RBFOX3: variants seen among roughly 807,000 people sequenced by gnomAD.
The protein encoded by RBFOX3 is RNA binding fox-1 homolog 3.
Under a neutral mutation model 48.7 loss-of-function variants are expected in RBFOX3, and 17 were observed. The observed-to-expected ratio is 0.35, with a 90% CI of 0.24 to 0.52. The LOEUF (loss-of-function observed/expected upper bound fraction) is 0.52, where lower values mean the gene tolerates loss of function less well. Ranked by LOEUF, RBFOX3 falls within the 20% of genes least tolerant of loss-of-function variation. RBFOX3 has a pLI of 0.94. For synonymous variants in RBFOX3, 212 were observed against 209.5 expected (o/e 1.01, Z -0.10); for missense variants, 382 against 497.5 (o/e 0.77, Z 2.21).
At chr17:79,152,686 C>T (rs2044823298) in intron 4 of RBFOX3, among the ~76,000 whole-genome samples, 1 of 152,174 alleles carries the variant, frequency 6.6e-6, no homozygotes, top group African/African-American at 2.4e-5. Context: ...ATGTCACAGC[C>T]AGCGAGAGGG....
intron 1 of RBFOX3, among the ~76,000 whole-genome samples, chr17:79,571,580 A>G (rs2092680313): frequency 1.4e-5 from 2 of 139,750 alleles, no homozygotes; most frequent in African/African-American, 5.4e-5. Context: ...GAAGTGTACC[A>G]GGATAATTTG....
intron 2 of RBFOX3, among the ~76,000 whole-genome samples, chr17:79,352,958 G>A (rs760384699): frequency 5.3e-5 from 8 of 152,234 alleles, no homozygotes; most frequent in African/African-American, 9.6e-5. Flanking sequence ...TGGGCAGACA[G>A]ATGGGAAAGT....
At chr17:79,207,733 T>C (rs4789873) in intron 4 of RBFOX3, among the ~76,000 whole-genome samples, 66,208 of 151,940 alleles carry the variant, frequency 0.44, 16,461 homozygotes, top group Non-Finnish European at 0.55. Flanking sequence ...GGACTGGCCT[T>C]CAGGAACTTT....
At chr17:79,261,816 C>T (rs937024873) in intron 3 of RBFOX3, among the ~76,000 whole-genome samples, 2 of 152,152 alleles carry the variant, frequency 1.3e-5, no homozygotes, top group African/African-American at 2.4e-5. Context: ...GCCCCCAGAG[C>T]GGCTTCCCCT....
chr17:79,378,166 G>A (rs754988169), intron 2 of RBFOX3, among the ~76,000 whole-genome samples: 5 of 152,036 alleles, frequency 3.3e-5, no homozygotes, highest in Non-Finnish European at 5.9e-5. Context: ...GGTCTCCACC[G>A]AGCCCAGAGC....
the RBFOX3 span, among the ~76,000 whole-genome samples, chr17:79,656,815 G>GAAAA: frequency 0.014 from 730 of 51,588 alleles, 29 homozygotes; most frequent in East Asian, 0.31. Context: ...AGAAAAGAAA[G>GAAAA]AGAAAGAAAG....
At chr17:79,547,002 A>G (rs1555792128) in intron 1 of RBFOX3, among the ~76,000 whole-genome samples, 1 of 152,074 alleles carries the variant, frequency 6.6e-6, no homozygotes, top group African/African-American at 2.4e-5. Flanking sequence ...ACTACTCAGC[A>G]GGGGCTCTGC....
Position 79,481,188 on chromosome 17 carries a change from G to A in RBFOX3, c.-175+1266C>T, listed in dbSNP as rs1409935617. ...TATTGGAGAGACCAGCCTGTGTCCGGGCCTCTGGTCTCTTTGTCCAGGGTT... is the reference window on the plus strand; with the variant it reads ...TATTGGAGAGACCAGCCTGTGTCCGAGCCTCTGGTCTCTTTGTCCAGGGTT... On this transcript the variant is annotated intron_variant, in intron 2 of 14. Transcript: ENST00000693108. This position sits in a 1 kb window ranked among gnomAD's most constrained non-coding sequence, Gnocchi z 5.4. Among the ~76,000 whole-genome samples the A allele has an allele frequency of 6.6e-6, 1 of 152,128 alleles. No homozygotes were observed. Among genetic ancestry groups the A allele is most frequent in the East Asian group, 1.9e-4 (1 of 5,200 alleles).
At chr17:79,091,017 T>A in intron 14 of RBFOX3, 132 bp from the exon 15 acceptor site, 2 of 878,222 alleles carry the variant, frequency 2.3e-6, no homozygotes, top group Non-Finnish European at 3.5e-6. Context: ...CCCCCAGGTT[T>A]CCAGGACCCT....
chr17:79,184,492 C>CCA (rs1276090936), intron 4 of RBFOX3, among the ~76,000 whole-genome samples: 1 of 152,270 alleles, frequency 6.6e-6, no homozygotes, highest in Admixed American at 6.5e-5. Context: ...GCTTCAGCGG[C>CCA]CACACACACA....
intron 1 of RBFOX3, among the ~76,000 whole-genome samples, chr17:79,539,656 G>A (rs2089381256): frequency 6.6e-6 from 1 of 152,196 alleles, no homozygotes; most frequent in Non-Finnish European, 1.5e-5. Flanking sequence ...AGGAGAGTTG[G>A]ATTTGGGGAA....
At position 79,089,666 on chromosome 17, in the gene RBFOX3, T is replaced by TGA. The variant is rs2073551562; in HGVS notation, c.*1215_*1216dup. The TGA allele has an allele frequency of 6.6e-6, 1 of 152,610 alleles. No homozygotes were observed. Among genetic ancestry groups the TGA allele is most frequent in the Admixed American group, 6.5e-5 (1 of 15,290 alleles). 9.5% of individuals were successfully genotyped at this position (152,610 alleles called of 1,614,324 possible). On this transcript the variant is annotated 3_prime_UTR_variant, in exon 15 of 15. Coordinates refer to ENST00000693108, the MANE Select transcript of RBFOX3 (RefSeq NM_001350451.2). ...GTATTTTTAAATTTTTGACACTTCA[T>TGA]GAGACAGTGGAGCCACGTTGGGAGC...
At chr17:79,403,992 A>G (rs1385093066) in intron 2 of RBFOX3, among the ~76,000 whole-genome samples, 2 of 151,888 alleles carry the variant, frequency 1.3e-5, no homozygotes, top group South Asian at 2.1e-4. Flanking sequence ...GTTAACCAGG[A>G]TGGTCTTGAT....
In RBFOX3 at chr17:79,516,911, C is replaced by T. The variant is rs924511714; in HGVS notation, c.-319-34313G>A. ...GTCGGATGTCGTACAATCCACAGTC[C>T]ACCCCTCGGGGAGTCATACTCGTAG... On this transcript the variant is annotated intron_variant, in intron 1 of 14. Coordinates refer to ENST00000693108, the MANE Select transcript of RBFOX3 (RefSeq NM_001350451.2). Among the ~76,000 whole-genome samples the T allele has an allele frequency of 5.1e-3, 783 of 152,138 alleles. 7 individuals are homozygous for T. The highest frequency in any genetic ancestry group is 0.018 in the African/African-American group (739 of 41,508).
chr17:79,356,376 T>G lies in RBFOX3; in HGVS notation c.-174-48552A>C, dbSNP rs1322689557. ...TTTTTTTTTTTTTTTTTTTTTTTTT[T>G]TTTTTTTTTTGAGGAGGAGTCTCAC... On this transcript the variant is annotated intron_variant, in intron 2 of 14. Transcript: ENST00000693108. 3.7e-5 allele frequency among the ~76,000 whole-genome samples: 4 copies of G among 108,314 alleles called. 1 individual carries two copies. The highest frequency in any genetic ancestry group is 5.5e-5 in the Non-Finnish European group (3 of 54,440). 71.1% of individuals were successfully genotyped at this position (108,314 alleles called of 152,430 possible).
At chr17:79,237,131 A>G (rs1188014189) in intron 3 of RBFOX3, among the ~76,000 whole-genome samples, 2 of 152,170 alleles carry the variant, frequency 1.3e-5, no homozygotes, top group Non-Finnish European at 2.9e-5. Context: ...CCCTGCCCCC[A>G]GCCTCCTGTG....
intron 2 of RBFOX3, among the ~76,000 whole-genome samples, chr17:79,464,627 CA>C (rs2076074047): frequency 6.6e-6 from 1 of 152,222 alleles, no homozygotes; most frequent in Non-Finnish European, 1.5e-5. Context: ...AGCAAACAAA[CA>C]AACTGTTTTG....
intron 1 of RBFOX3, among the ~76,000 whole-genome samples, chr17:79,506,023 T>C (rs2083063671): frequency 6.6e-6 from 1 of 152,166 alleles, no homozygotes; most frequent in Non-Finnish European, 1.5e-5. Context: ...CTTACTCCCA[T>C]ATGCACCAAA....
At chr17:79,185,292 A>G (rs912347569) in intron 4 of RBFOX3, among the ~76,000 whole-genome samples, 1 of 152,180 alleles carries the variant, frequency 6.6e-6, no homozygotes, top group Non-Finnish European at 1.5e-5. Flanking sequence ...CTGTCTCCAC[A>G]GGGTCTTGGC....
Sources: gnomAD v4.1 joint callset for allele counts (sites outside exome capture counted in the v4.1 genomes callset) on GRCh38, gnomAD v4.1.1 for gene constraint, Gnocchi (gnomAD v3.1) non-coding constraint, MANE v1.5 for transcripts, NCBI Gene and HGNC (gene_info 2026-07-23, HGNC 2026-07-21) for gene names.